The following WIPF1 variants were observed in gnomAD, a reference collection of about 807,000 sequenced individuals.
WIPF1 encodes WAS/WASL interacting protein family member 1, also known as WAS/WASL-interacting protein family member 1.
Under a neutral mutation model 35.4 loss-of-function variants are expected in WIPF1, and 13 were observed. The ratio of observed to expected loss-of-function variants is 0.37; its 90% CI spans 0.24 to 0.58. The LOEUF (loss-of-function observed/expected upper bound fraction) is 0.58, where lower values mean the gene tolerates loss of function less well. Ranked by LOEUF, WIPF1 falls within the 20% of genes least tolerant of loss-of-function variation. The pLI is 0.74. For missense variants in WIPF1, 591 were observed against 667.0 expected, an observed-to-expected ratio of 0.89 and a Z score of 1.25; for synonymous variants, 267 against 266.3, an observed-to-expected ratio of 1.00 and a Z score of -0.02.
chr2:174,621,709 T>G (rs956115149), intron 1 of WIPF1, among the ~76,000 whole-genome samples: 10 of 152,214 alleles, frequency 6.6e-5, no homozygotes, highest in African/African-American at 2.4e-4. Flanking sequence ...CATTTCAACA[T>G]TAATATAAAA....
chr2:174,629,812 G>A (rs571174707), intron 1 of WIPF1: 1 of 152,168 alleles, frequency 6.6e-6, no homozygotes, highest in Non-Finnish European at 1.5e-5. Flanking sequence ...CAGAAGTTAA[G>A]TTCATTCTAC....
chr2:174,677,680 T>A (rs1253975149), intron 1 of WIPF1, among the ~76,000 whole-genome samples: 1 of 152,224 alleles, frequency 6.6e-6, no homozygotes. Context: ...TTACTGAGTA[T>A]CAGCAAAGTC....
chr2:174,597,465 AG>A (rs1233421770), intron 1 of WIPF1, 135 bp downstream of exon 1: 1 of 152,268 alleles, frequency 6.6e-6, no homozygotes, highest in Non-Finnish European at 1.5e-5. Context: ...TCTGGGCAAC[AG>A]GAATAGCTCA....
intron 7 of WIPF1, chr2:174,566,844 G>T: frequency 4.4e-6 from 2 of 450,256 alleles, no homozygotes; most frequent in Non-Finnish European, 7.9e-6. Context: ...AGCAAACCAC[G>T]GTATTTTGAG....
At chr2:174,600,394 A>G (rs1000217652), upstream of WIPF1, among the ~76,000 whole-genome samples, 1 of 152,088 alleles carries the variant, frequency 6.6e-6, no homozygotes, top group Non-Finnish European at 1.5e-5. Context: ...TTTCACTTAA[A>G]AAGTCCAAAC....
At chr2:174,564,791 T>C (rs918606565) in intron 7 of WIPF1, among the ~76,000 whole-genome samples, 2 of 149,480 alleles carry the variant, frequency 1.3e-5, no homozygotes, top group African/African-American at 5.0e-5. Context: ...TGTACTCTTA[T>C]CAAACAGAAG....
intron 1 of WIPF1, among the ~76,000 whole-genome samples, chr2:174,588,980 AG>A (rs1030348998): frequency 2.6e-5 from 4 of 152,160 alleles, no homozygotes; most frequent in African/African-American, 9.7e-5. Flanking sequence ...AACACAGATG[AG>A]GGAGGCTGCC....
rs1685237908 is a variant in WIPF1 at position 174,581,416 on chromosome 2, C to T, written c.75G>A (p.Leu25=). 1.2e-6 allele frequency: 2 copies of T among 1,613,910 alleles called. No homozygotes were observed. Among genetic ancestry groups the T allele is most frequent in the Non-Finnish European group, 1.7e-6 (2 of 1,179,928 alleles). The stretch of plus-strand genomic sequence containing the variant: ...TTCTCCCAGCCTGCTCTGTCTTATT[C>T]AAGGTAGGCTTCTCTGTATTGGCCT... ...FALANTEKPT[L]NKTEQAGRNA... is the part of the protein sequence containing the mutation. The change falls in exon 3 of 8, where the codon TTG becomes TTA. Residue 25 remains leucine (L), a synonymous_variant. Coordinates refer to ENST00000679041, the MANE Select transcript of WIPF1 (RefSeq NM_001375834.1).
chr2:174,606,760 G>C (rs1686175653), intron 1 of WIPF1, among the ~76,000 whole-genome samples: 1 of 152,200 alleles, frequency 6.6e-6, no homozygotes. Context: ...CGAGGTCTTA[G>C]TGCTAACACT....
chr2:174,601,857 G>A (rs1169879898), upstream of WIPF1, among the ~76,000 whole-genome samples: 3 of 152,238 alleles, frequency 2.0e-5, no homozygotes, highest in Admixed American at 6.5e-5. Flanking sequence ...CAGAGCAGTG[G>A]CCAAAGCCTG....
upstream of WIPF1, among the ~76,000 whole-genome samples, chr2:174,599,257 T>C (rs1685916107): frequency 6.6e-6 from 1 of 151,904 alleles, no homozygotes; most frequent in East Asian, 1.9e-4. Context: ...GAATGGGAAA[T>C]TTCCTATGGT....
intron 1 of WIPF1, among the ~76,000 whole-genome samples, chr2:174,674,967 G>A (rs531117994): frequency 8.7e-5 from 13 of 150,208 alleles, no homozygotes; most frequent in Admixed American, 2.6e-4. Flanking sequence ...AGGAAGAATG[G>A]TTGTAGTAGA....
chr2:174,669,528 T>A (rs895906023), intron 1 of WIPF1, among the ~76,000 whole-genome samples: 2 of 152,238 alleles, frequency 1.3e-5, no homozygotes, highest in African/African-American at 4.8e-5. Context: ...GCTGCAATTA[T>A]CTGCTATCAA....
intron 1 of WIPF1, chr2:174,676,272 ATCCCTCCCTCCC>A (rs58164150): frequency 7.2e-6 from 1 of 138,468 alleles, no homozygotes; most frequent in African/African-American, 2.7e-5. Context: ...ACAGTGTGAT[ATCCCTCCCTCCC>A]TCCCTCCCTT....
chr2:174,616,100 C>T (rs1446658418), intron 1 of WIPF1, among the ~76,000 whole-genome samples: 1 of 152,092 alleles, frequency 6.6e-6, no homozygotes, highest in African/African-American at 2.4e-5. Flanking sequence ...AAAAAAATTC[C>T]CTCAAACACA....
At chr2:174,672,184 G>A (rs1688031809) in intron 1 of WIPF1, among the ~76,000 whole-genome samples, 1 of 152,152 alleles carries the variant, frequency 6.6e-6, no homozygotes, top group South Asian at 2.1e-4. Context: ...AATTATCAGG[G>A]GCGGGTTCCC....
At chr2:174,582,545 TAAA>T (rs1184133672) in intron 2 of WIPF1, among the ~76,000 whole-genome samples, 1 of 152,240 alleles carries the variant, frequency 6.6e-6, no homozygotes, top group African/African-American at 2.4e-5. Context: ...ACCCAGCCTT[TAAA>T]AAACAATTTT....
At position 174,586,405 on chromosome 2, in the gene WIPF1, A is replaced by G. The variant is rs150533918; in HGVS notation, c.-38-794T>C. Among the ~76,000 whole-genome samples, 18 of 152,260 alleles carry G rather than the reference A, an allele frequency of 1.2e-4. No homozygotes were observed. In the East Asian group the frequency reaches 3.5e-3, roughly 29 times the overall value. ...TGGGTAAAAAATTATATATAAATAA[A>G]ATAAAAAAGAAGAGCCTTTCTGCAG... On this transcript the variant is annotated intron_variant, in intron 1 of 7. Transcript: ENST00000679041.
intron 1 of WIPF1, among the ~76,000 whole-genome samples, chr2:174,657,333 T>G (rs1235525806): frequency 6.6e-6 from 1 of 152,246 alleles, no homozygotes; most frequent in Admixed American, 6.5e-5. Context: ...TATCAATGTA[T>G]GTCTAGAATA....
Sources: allele counts gnomAD v4.1 joint callset (sites outside exome capture counted in the v4.1 genomes callset), GRCh38; gene constraint gnomAD v4.1.1; transcripts MANE v1.5; gene names NCBI Gene and HGNC (gene_info 2026-07-23, HGNC 2026-07-21).